Variants in SCAPER observed in about 807,000 individuals in gnomAD.
SCAPER encodes the protein S phase cyclin A-associated protein in the endoplasmic reticulum.
SCAPER carries 98 observed loss-of-function variants against 182.2 expected under a neutral mutation model. The ratio of observed to expected loss-of-function variants is 0.54; its 90% CI spans 0.46 to 0.64. The LOEUF (loss-of-function observed/expected upper bound fraction) is 0.64, where lower values mean the gene tolerates loss of function less well. Among genes scored for constraint, SCAPER ranks in the 30% least tolerant of loss-of-function variants. The probability of loss-of-function intolerance (pLI) is 0.00; values close to 1 mark genes in which losing one functional copy is unlikely to be tolerated. For missense variants in SCAPER, 1,432 were observed against 1,690.0 expected, an observed-to-expected ratio of 0.85 and a Z score of 2.68; for synonymous variants, 605 against 564.6, an observed-to-expected ratio of 1.07 and a Z score of -1.01.
intron 27 of SCAPER, chr15:76,385,045 G>T (rs948556266): frequency 1.3e-5 from 2 of 152,142 alleles, no homozygotes; most frequent in African/African-American, 4.8e-5. Flanking sequence ...AGGTGTTTTT[G>T]TTAGGTCTCC....
At chr15:76,438,051 G>GGTGGGT (rs1255034144) in intron 25 of SCAPER, among the ~76,000 whole-genome samples, 1 of 152,144 alleles carries the variant, frequency 6.6e-6, no homozygotes, top group Non-Finnish European at 1.5e-5. Flanking sequence ...GGGAGGCCGA[G>GGTGGGT]GTGGGTGGAT....
At chr15:76,604,754 T>G (rs1406180736) in intron 22 of SCAPER, among the ~76,000 whole-genome samples, 1 of 151,868 alleles carries the variant, frequency 6.6e-6, no homozygotes, top group Non-Finnish European at 1.5e-5. Context: ...CCCTTGTAAG[T>G]TGGATTCCTA....
At chr15:76,417,291 A>T (rs1011380856) in intron 26 of SCAPER, among the ~76,000 whole-genome samples, 2 of 152,200 alleles carry the variant, frequency 1.3e-5, no homozygotes, top group Non-Finnish European at 2.9e-5. Flanking sequence ...AGCACATAGT[A>T]ATTTCATAAT....
intron 17 of SCAPER, among the ~76,000 whole-genome samples, chr15:76,711,928 G>A (rs2059603528): frequency 6.6e-6 from 1 of 152,062 alleles, no homozygotes; most frequent in Non-Finnish European, 1.5e-5. Context: ...CTGTGCAGAA[G>A]GTCTTTAGTT....
chr15:76,416,756 T>C (rs2045677285), intron 26 of SCAPER, among the ~76,000 whole-genome samples: 1 of 152,216 alleles, frequency 6.6e-6, no homozygotes, highest in Non-Finnish European at 1.5e-5. Flanking sequence ...AAGATGTTCT[T>C]CAGTGTTATC....
chr15:76,373,155 C>T (rs1270949045), intron 29 of SCAPER, among the ~76,000 whole-genome samples: 1 of 151,632 alleles, frequency 6.6e-6, no homozygotes, highest in African/African-American at 2.4e-5. Context: ...TCAAGCAATT[C>T]TCCTGTCTCA....
chr15:76,522,927 T>C (rs1362475054), intron 23 of SCAPER, among the ~76,000 whole-genome samples: 1 of 152,094 alleles, frequency 6.6e-6, no homozygotes. Context: ...TTCATCAAAA[T>C]AGACTGTTAG....
intron 23 of SCAPER, among the ~76,000 whole-genome samples, chr15:76,554,730 G>A (rs1167414217): frequency 6.7e-6 from 1 of 150,128 alleles, no homozygotes; most frequent in Non-Finnish European, 1.5e-5. Context: ...GGGTAACAGT[G>A]AACCTTTCAG....
chr15:76,417,141 A>C (rs186606951), intron 26 of SCAPER, among the ~76,000 whole-genome samples: 2 of 152,238 alleles, frequency 1.3e-5, no homozygotes, highest in East Asian at 3.9e-4. Flanking sequence ...AAATAAAATA[A>C]CTACATATAT....
At chr15:76,363,084 G>A (rs1486069048) in intron 29 of SCAPER, among the ~76,000 whole-genome samples, 1 of 152,178 alleles carries the variant, frequency 6.6e-6, no homozygotes, top group African/African-American at 2.4e-5. Context: ...ATACGGCCCT[G>A]CTCCAGATAC....
At chr15:76,836,239 A>C (rs1164836554) in intron 5 of SCAPER, among the ~76,000 whole-genome samples, 1 of 152,196 alleles carries the variant, frequency 6.6e-6, no homozygotes, top group Admixed American at 6.5e-5. Flanking sequence ...CTCATGTGGA[A>C]CCAAAAAAGA....
intron 21 of SCAPER, among the ~76,000 whole-genome samples, chr15:76,648,728 G>A (rs368786406): frequency 3.3e-5 from 5 of 152,344 alleles, no homozygotes; most frequent in Middle Eastern, 3.4e-3. Context: ...AAAGCAGCCT[G>A]ACAAATCCAG....
chr15:76,850,364 A>G (rs966098417), intron 4 of SCAPER, among the ~76,000 whole-genome samples: 1 of 152,202 alleles, frequency 6.6e-6, no homozygotes, highest in African/African-American at 2.4e-5. Context: ...TCATGAATGC[A>G]GAACAGTCAC....
At chr15:76,788,957 C>A (rs2064815099) in intron 8 of SCAPER, among the ~76,000 whole-genome samples, 1 of 152,028 alleles carries the variant, frequency 6.6e-6, no homozygotes, top group Non-Finnish European at 1.5e-5. Context: ...CTACAGCTAC[C>A]CGGCCCAATT....
In SCAPER at chr15:76,560,524, T is replaced by G. The variant is rs573243584; in HGVS notation, c.2838+13634A>C. 5.9e-5 allele frequency among the ~76,000 whole-genome samples: 9 copies of G among 152,324 alleles called. No individual in the cohort carries two copies. The South Asian group carries it at 1.9e-3, about 32-fold the overall frequency. ...CTGACACCCAGAGAAATTAATTAACTTGTCCAGGGTCACACAATAACAAAA... is the reference window on the plus strand; with the variant it reads ...CTGACACCCAGAGAAATTAATTAACGTGTCCAGGGTCACACAATAACAAAA... On this transcript the variant is annotated intron_variant, in intron 23 of 31. Transcript: ENST00000563290.
intron 22 of SCAPER, among the ~76,000 whole-genome samples, chr15:76,578,404 A>G (rs936847147): frequency 1.3e-5 from 2 of 152,208 alleles, no homozygotes; most frequent in Non-Finnish European, 2.9e-5. Flanking sequence ...TGGGCGAGAC[A>G]CAGTAATCTG....
rs1445652466 is a variant in SCAPER at position 76,724,236 on chromosome 15, G to C, written c.2165+4359C>G. ...CTGGGTTGAAAATTCTTTTCTTTAA[G>C]AATGTTGAATATTGGCCCCCATTCT... On this transcript the variant is annotated intron_variant, in intron 17 of 31. Transcript: ENST00000563290. Among the ~76,000 whole-genome samples the C allele has an allele frequency of 8.6e-5, 13 of 151,506 alleles. No homozygotes were observed. In the Admixed American group the frequency reaches 8.6e-4, roughly 10 times the overall value.
intron 18 of SCAPER, among the ~76,000 whole-genome samples, chr15:76,703,944 T>A (rs1598267473): frequency 6.6e-6 from 1 of 152,154 alleles, no homozygotes; most frequent in Non-Finnish European, 1.5e-5. Context: ...GGTTTTACTA[T>A]CTCTGTGAGG....
At chr15:76,734,362 G>A (rs902736331) in intron 15 of SCAPER, among the ~76,000 whole-genome samples, 4 of 152,180 alleles carry the variant, frequency 2.6e-5, no homozygotes, top group Non-Finnish European at 5.9e-5. Flanking sequence ...AGTGAAGTAG[G>A]GAAGTGAACA....
Sources: allele counts gnomAD v4.1 joint callset (sites outside exome capture counted in the v4.1 genomes callset), GRCh38; gene constraint gnomAD v4.1.1; transcripts MANE v1.5; gene names NCBI Gene and HGNC (gene_info 2026-07-23, HGNC 2026-07-21).